The following ZMYM4 variants were observed in gnomAD, a reference collection of about 807,000 sequenced individuals.
ZMYM4 encodes zinc finger MYM-type protein 4.
A neutral mutation model predicts 183.2 loss-of-function variants in ZMYM4; 31 were observed. That is an observed-to-expected ratio of 0.17 (90% CI 0.13 to 0.23). The LOEUF (loss-of-function observed/expected upper bound fraction) is 0.23. Among genes scored for constraint, ZMYM4 ranks in the 10% least tolerant of loss-of-function variants. ZMYM4 has a pLI of 1.00. For missense variants in ZMYM4, 1,273 were observed against 1,840.3 expected (o/e 0.69, Z 5.64); for synonymous variants, 592 against 631.2 (o/e 0.94, Z 0.93).
intron 2 of ZMYM4, among the ~76,000 whole-genome samples, chr1:35,341,877 C>T: frequency 6.6e-6 from 1 of 151,976 alleles, no homozygotes; most frequent in East Asian, 1.9e-4. Context: ...AATATATGTT[C>T]CCATTCTACC....
rs1644567020 is a variant in ZMYM4 at position 35,385,997 on chromosome 1, A to G, written c.1721-77A>G. 8 of 1,058,282 alleles carry G rather than the reference A, an allele frequency of 7.6e-6. No individual in the cohort carries two copies. The Admixed American group carries it at 1.8e-4, about 24-fold the overall frequency. The allele number at this position is 1,058,282 out of a possible 1,614,324, so 65.6% of individuals were successfully genotyped here. On this transcript the variant is annotated intron_variant, in intron 10 of 29. Coordinates refer to ENST00000314607, the MANE Select transcript of ZMYM4 (RefSeq NM_005095.3). ...TGGCTCTTAAATTTTCTTATATTGT[A>G]TAGTATTATTTAATTTCTCATACTT...
At position 35,332,423 on chromosome 1, in the gene ZMYM4, T is replaced by C. The variant is rs1642794512; in HGVS notation, c.85+7018T>C. ...GGGATGTTTTTTTTTTTTTTTTTTC[T>C]CTCCACAATGTCTTTGGTCTTGACT... is the stretch of plus-strand genomic sequence containing the variant. On this transcript the variant is annotated intron_variant, in intron 2 of 29. Transcript: ENST00000314607. 6.0e-5 allele frequency among the ~76,000 whole-genome samples: 9 copies of C among 148,872 alleles called. No individual in the cohort carries two copies. In the South Asian group the frequency reaches 1.9e-3, roughly 32 times the overall value.
chr1:35,418,146 C>T (rs1022960729), intron 28 of ZMYM4, among the ~76,000 whole-genome samples: 10 of 152,274 alleles, frequency 6.6e-5, no homozygotes, highest in Middle Eastern at 6.8e-3. Context: ...AAGTCAGGCT[C>T]AGAATAGAGA....
At chr1:35,349,460 A>G (rs1419890055) in intron 2 of ZMYM4, among the ~76,000 whole-genome samples, 4 of 152,192 alleles carry the variant, frequency 2.6e-5, no homozygotes, top group African/African-American at 9.7e-5. Flanking sequence ...TTGTGATCTT[A>G]TAAAGGGGTT....
chr1:35,405,733 TGTATA>T (rs1558185149), intron 25 of ZMYM4, among the ~76,000 whole-genome samples: 1 of 151,506 alleles, frequency 6.6e-6, no homozygotes, highest in Non-Finnish European at 1.5e-5. Context: ...GCCCTGCGTC[TGTATA>T]GTAATCCATG....
At chr1:35,325,245 C>T (rs1250966098) in intron 1 of ZMYM4, 115 bp from the exon 2 acceptor site, 3 of 875,984 alleles carry the variant, frequency 3.4e-6, no homozygotes, top group East Asian at 5.6e-5. Flanking sequence ...TTATATTGTG[C>T]ACTTGTCATT....
chr1:35,371,062 AGTGTGT>A (rs67591506), intron 7 of ZMYM4, among the ~76,000 whole-genome samples: 5,931 of 126,114 alleles, frequency 0.047, 503 homozygotes, highest in East Asian at 0.34. Context: ...AATGGCTTCC[AGTGTGT>A]GTGTGTGTGT....
chr1:35,362,083 A>G (rs187036951), intron 5 of ZMYM4, among the ~76,000 whole-genome samples: 1 of 152,318 alleles, frequency 6.6e-6, no homozygotes, highest in East Asian at 1.9e-4. Flanking sequence ...TTGAAGATTT[A>G]TGGTAGTTTA....
chr1:35,307,038 A>T (rs2148767290), intron 1 of ZMYM4, among the ~76,000 whole-genome samples: 1 of 152,316 alleles, frequency 6.6e-6, no homozygotes, highest in African/African-American at 2.4e-5. Flanking sequence ...TAGTAGGCAA[A>T]TATGCAATAA....
chr1:35,301,159 C>A (rs997608166), intron 1 of ZMYM4, among the ~76,000 whole-genome samples: 3 of 152,192 alleles, frequency 2.0e-5, no homozygotes, highest in African/African-American at 4.8e-5. Flanking sequence ...ACCAGAATAG[C>A]TTCTTGGCAA....
At chr1:35,350,223 G>GAA (rs34466044) in intron 2 of ZMYM4, among the ~76,000 whole-genome samples, 200 of 72,426 alleles carry the variant, frequency 2.8e-3, no homozygotes, top group Middle Eastern at 0.024. Flanking sequence ...ACTCCATCTT[G>GAA]AAAAAAAAAA....
intron 2 of ZMYM4, chr1:35,351,101 T>C (rs1402954249): frequency 4.5e-6 from 4 of 881,488 alleles, no homozygotes; most frequent in Non-Finnish European, 7.5e-6. Flanking sequence ...TGACTGGTGG[T>C]AAATACAATG....
At chr1:35,297,888 T>C (rs1272154067) in intron 1 of ZMYM4, among the ~76,000 whole-genome samples, 1 of 152,238 alleles carries the variant, frequency 6.6e-6, no homozygotes, top group African/African-American at 2.4e-5. Flanking sequence ...CTACCAGTCC[T>C]GTATCAGAGG....
chr1:35,296,959 C>G (rs1476625709), intron 1 of ZMYM4, among the ~76,000 whole-genome samples: 3 of 147,214 alleles, frequency 2.0e-5, no homozygotes, highest in Non-Finnish European at 4.4e-5. Flanking sequence ...AGGCGATTCT[C>G]CTGCCTCAGC....
chr1:35,287,621 T>G (rs990164064), intron 1 of ZMYM4, among the ~76,000 whole-genome samples: 1 of 152,054 alleles, frequency 6.6e-6, no homozygotes. Context: ...TTTTATTTTT[T>G]GGGGGACGGA....
chr1:35,352,566 C>G (rs576152410), intron 2 of ZMYM4, among the ~76,000 whole-genome samples: 286 of 152,312 alleles, frequency 1.9e-3, no homozygotes, highest in Non-Finnish European at 3.4e-3. Flanking sequence ...TCCACTCTGA[C>G]TTGTACACTC....
At chr1:35,342,419 C>T (rs1476785525) in intron 2 of ZMYM4, among the ~76,000 whole-genome samples, 1 of 152,060 alleles carries the variant, frequency 6.6e-6, no homozygotes, top group African/African-American at 2.4e-5. Context: ...CCTTGGCCTC[C>T]CAAAGTTCTG....
chr1:35,282,340 G>C (rs1640216740), intron 1 of ZMYM4, among the ~76,000 whole-genome samples: 1 of 152,140 alleles, frequency 6.6e-6, no homozygotes, highest in South Asian at 2.1e-4. Flanking sequence ...TCCATGCTGT[G>C]GTGCAGCACA....
rs527509200 is a variant in ZMYM4 at position 35,317,827 on chromosome 1, C to A, written c.40-7533C>A. 2.0e-5 allele frequency among the ~76,000 whole-genome samples: 3 copies of A among 152,194 alleles called. No individual in the cohort carries two copies. The South Asian group carries it at 6.2e-4, about 32-fold the overall frequency. Reference sequence around the variant, plus strand: ...TATGCAATGAAAGACATAGGATCTTCAAGTGGCCATAAAGGGGAGTGTGTA... The same window carrying A: ...TATGCAATGAAAGACATAGGATCTTAAAGTGGCCATAAAGGGGAGTGTGTA... On this transcript the variant is annotated intron_variant, in intron 1 of 29. Transcript: ENST00000314607.
Sources: allele counts gnomAD v4.1 joint callset (sites outside exome capture counted in the v4.1 genomes callset), GRCh38; gene constraint gnomAD v4.1.1; transcripts MANE v1.5; gene names NCBI Gene and HGNC (gene_info 2026-07-23, HGNC 2026-07-21).